Variants in HPSE2 observed in about 807,000 individuals in gnomAD.
HPSE2 encodes heparanase 2 (inactive).
Under a neutral mutation model 60.5 loss-of-function variants are expected in HPSE2, and 38 were observed. That is an observed-to-expected ratio of 0.63 (90% confidence interval 0.48 to 0.82). The LOEUF (loss-of-function observed/expected upper bound fraction) is 0.82, where lower values mean the gene tolerates loss of function less well. HPSE2 is among the 40% of genes least tolerant of loss of function. HPSE2 has a pLI of 0.00. For synonymous variants in HPSE2, 295 were observed against 293.2 expected (o/e 1.01, Z -0.06); for missense variants, 713 against 740.4 (o/e 0.96, Z 0.43).
chr10:98,666,599 A>T (rs1947369477), intron 6 of HPSE2, among the ~76,000 whole-genome samples: 1 of 152,240 alleles, frequency 6.6e-6, no homozygotes, highest in African/African-American at 2.4e-5. Context: ...GAACTGCAGT[A>T]CAATAAAAAT....
intron 2 of HPSE2, among the ~76,000 whole-genome samples, chr10:99,207,167 A>T (rs977489818): frequency 1.3e-5 from 2 of 152,172 alleles, no homozygotes; most frequent in Non-Finnish European, 2.9e-5. Flanking sequence ...AAAAGTAGCA[A>T]ATGACATATA....
At chr10:98,518,025 T>C (rs1942659928) in intron 9 of HPSE2, among the ~76,000 whole-genome samples, 1 of 152,202 alleles carries the variant, frequency 6.6e-6, no homozygotes, top group Admixed American at 6.5e-5. Context: ...TACCCCAGAA[T>C]ATTCCTTCAG....
upstream of HPSE2, among the ~76,000 whole-genome samples, chr10:99,240,703 C>T (rs1171700750): frequency 1.3e-5 from 2 of 152,150 alleles, no homozygotes; most frequent in Non-Finnish European, 2.9e-5. Flanking sequence ...TGAGCCACCA[C>T]GCCCAGCCTA....
chr10:98,921,102 C>T (rs1954270069), intron 3 of HPSE2, among the ~76,000 whole-genome samples: 1 of 152,110 alleles, frequency 6.6e-6, no homozygotes, highest in Non-Finnish European at 1.5e-5. Flanking sequence ...GGCATGTTTC[C>T]CTCTGCCCCT....
At chr10:98,651,773 CTT>C (rs35835305) in intron 6 of HPSE2, among the ~76,000 whole-genome samples, 2 of 142,656 alleles carry the variant, frequency 1.4e-5, no homozygotes, top group Non-Finnish European at 1.5e-5. Context: ...GAACTAGTTC[CTT>C]TTTTTTTTTT....
intron 3 of HPSE2, among the ~76,000 whole-genome samples, chr10:99,083,960 G>T (rs933410458): frequency 6.9e-5 from 9 of 129,600 alleles, no homozygotes; most frequent in South Asian, 2.6e-4. Context: ...GGGAATGTGT[G>T]AAAGCCTTTT....
At chr10:98,942,848 T>C (rs1955053520) in intron 3 of HPSE2, among the ~76,000 whole-genome samples, 1 of 151,742 alleles carries the variant, frequency 6.6e-6, no homozygotes, top group African/African-American at 2.4e-5. Context: ...CCAACAATGA[T>C]AGACTGGATT....
Position 99,100,155 on chromosome 10 carries a change from A to G in HPSE2, c.610+44083T>C, listed in dbSNP as rs577406085. Among the ~76,000 whole-genome samples the G allele has an allele frequency of 2.6e-5, 4 of 152,320 alleles. No individual in the cohort carries two copies. In the East Asian group the frequency reaches 5.8e-4, roughly 22 times the overall value. On this transcript the variant is annotated intron_variant, in intron 3 of 11. Coordinates refer to ENST00000370552, the MANE Select transcript of HPSE2 (RefSeq NM_021828.5). The stretch of plus-strand genomic sequence containing the variant: ...AAGCTGGGTGGAGAATGACTTTGAC[A>G]AGTTGAGAGAAGAAGGCTTCAGACA...
At chr10:98,664,871 C>G (rs1298056596) in intron 6 of HPSE2, among the ~76,000 whole-genome samples, 3 of 152,098 alleles carry the variant, frequency 2.0e-5, no homozygotes, top group African/African-American at 7.2e-5. Flanking sequence ...AGAATTCTGG[C>G]AATTCAAAAA....
intron 3 of HPSE2, among the ~76,000 whole-genome samples, chr10:98,807,851 A>C (rs80344289): frequency 6.6e-6 from 1 of 152,330 alleles, no homozygotes; most frequent in Non-Finnish European, 1.5e-5. Flanking sequence ...TCCTGAAGTC[A>C]CTGCAGCCAT....
chr10:98,908,290 A>G (rs1953879329), intron 3 of HPSE2, among the ~76,000 whole-genome samples: 1 of 152,236 alleles, frequency 6.6e-6, no homozygotes, highest in Non-Finnish European at 1.5e-5. Context: ...ATTTTGAAAA[A>G]CAACTTGTCA....
At chr10:98,540,249 T>C (rs1187453983) in intron 9 of HPSE2, among the ~76,000 whole-genome samples, 1 of 152,228 alleles carries the variant, frequency 6.6e-6, no homozygotes, top group Admixed American at 6.5e-5. Context: ...CATTAAACCA[T>C]TTTTTAGCAA....
At chr10:98,693,529 G>A (rs1342721967) in intron 6 of HPSE2, among the ~76,000 whole-genome samples, 2 of 152,074 alleles carry the variant, frequency 1.3e-5, no homozygotes, top group Admixed American at 6.5e-5. Context: ...GATATATTGA[G>A]CAATTAAAAT....
intron 3 of HPSE2, among the ~76,000 whole-genome samples, chr10:99,132,864 G>A (rs546832749): frequency 2.6e-5 from 4 of 152,226 alleles, no homozygotes; most frequent in Non-Finnish European, 4.4e-5. Flanking sequence ...TACCCCAATG[G>A]TGCCTGAAAC....
intron 3 of HPSE2, among the ~76,000 whole-genome samples, chr10:98,999,265 T>C (rs916646209): frequency 6.6e-6 from 1 of 151,896 alleles, no homozygotes; most frequent in South Asian, 2.1e-4. Flanking sequence ...AATAAATATA[T>C]GGAGGAAATA....
intron 3 of HPSE2, among the ~76,000 whole-genome samples, chr10:98,853,281 C>T (rs1256891153): frequency 6.6e-6 from 1 of 152,112 alleles, no homozygotes; most frequent in East Asian, 1.9e-4. Context: ...GATGTTTTCC[C>T]TCTTTTTTGC....
chr10:98,546,526 C>G (rs1208929675), intron 9 of HPSE2, among the ~76,000 whole-genome samples: 7 of 151,738 alleles, frequency 4.6e-5, no homozygotes, highest in Non-Finnish European at 1.0e-4. Flanking sequence ...TGATCTTTGA[C>G]AAACCTGACA....
At chr10:98,515,495 T>C (rs1352330140) in intron 9 of HPSE2, among the ~76,000 whole-genome samples, 2 of 152,188 alleles carry the variant, frequency 1.3e-5, no homozygotes, top group Non-Finnish European at 2.9e-5. Flanking sequence ...TAGAAGAATA[T>C]AATGATGTCA....
At chr10:99,244,116 C>A in the HPSE2 span, among the ~76,000 whole-genome samples, 3 of 150,084 alleles carry the variant, frequency 2.0e-5, no homozygotes, top group African/African-American at 4.9e-5. Flanking sequence ...GGTGCTATCT[C>A]GGCTCATTTT....
Sources: gnomAD v4.1 joint callset for allele counts (sites outside exome capture counted in the v4.1 genomes callset) on GRCh38, gnomAD v4.1.1 for gene constraint, MANE v1.5 for transcripts, NCBI Gene and HGNC (gene_info 2026-07-23, HGNC 2026-07-21) for gene names.